The following USP35 variants were observed in gnomAD, a reference collection of about 807,000 sequenced individuals.
USP35 encodes the protein ubiquitin carboxyl-terminal hydrolase 35.
In USP35, 69 loss-of-function variants were observed where a neutral mutation model predicts 83.8. The observed-to-expected ratio is 0.82, with a 90% CI of 0.68 to 1.01. USP35 has a LOEUF of 1.01. USP35 is among the 50% of genes least tolerant of loss of function. The probability of loss-of-function intolerance (pLI) is 0.00; values close to 1 mark genes in which losing one functional copy is unlikely to be tolerated. For synonymous variants in USP35, 714 were observed against 589.5 expected, an observed-to-expected ratio of 1.21 and a Z score of -3.06; for missense variants, 1,503 against 1,362.5, an observed-to-expected ratio of 1.10 and a Z score of -1.62.
intron 10 of USP35, among the ~76,000 whole-genome samples, chr11:78,212,292 G>A (rs955010087): frequency 6.6e-6 from 1 of 152,028 alleles, no homozygotes. Context: ...TGTTCCATTG[G>A]TCTATGTGTC....
intron 3 of USP35, chr11:78,198,729 AGAG>A (rs1234932165): frequency 1.0e-6 from 1 of 982,988 alleles, no homozygotes; most frequent in Non-Finnish European, 1.2e-6. Context: ...GTAAGTTGCT[AGAG>A]GTCAAATCCC....
intron 6 of USP35, 119 bp from the exon 7 acceptor site, chr11:78,205,723 G>T (rs1048845869): frequency 2.8e-6 from 3 of 1,063,294 alleles, no homozygotes; most frequent in South Asian, 1.5e-5. Flanking sequence ...TCTGTGGGGG[G>T]GTGTGCCTGG....
intron 8 of USP35, 79 bp from the exon 9 acceptor site, chr11:78,208,778 C>A: frequency 6.7e-7 from 1 of 1,493,130 alleles, no homozygotes; most frequent in Non-Finnish European, 9.3e-7. Flanking sequence ...TGAGGTAGAC[C>A]CTCAGGCCTA....
rs764168914 is a variant in USP35, at chr11:78,196,839, C to T, written c.594C>T (p.Leu198=). 8 of 1,528,354 alleles carry T rather than the reference C, an allele frequency of 5.2e-6. No individual in the cohort carries two copies. The highest frequency in any genetic ancestry group is 2.5e-5 in the East Asian group (1 of 40,672). The allele number at this position is 1,528,354 out of a possible 1,614,324, so 94.7% of individuals were successfully genotyped here. Residue 198 remains leucine (L), a synonymous_variant, in exon 2 of 11, where the codon CTC becomes CTT. Coordinates refer to ENST00000529308, the MANE Select transcript of USP35 (RefSeq NM_020798.4). This position sits in a 1 kb window ranked among gnomAD's most constrained non-coding sequence, Gnocchi z 4.8. ...AGCAGGCCCAGCAGGTGAGCGGGCT[C>T]CTGGCGCAGCTGTGGCGCGCACAGC... ...FLEQAQQVSG[L]LAQLWRAQPA...
the USP35 span, among the ~76,000 whole-genome samples, chr11:78,229,124 T>C: frequency 6.6e-6 from 1 of 152,016 alleles, no homozygotes; most frequent in South Asian, 2.1e-4. Flanking sequence ...CTGCTGACAG[T>C]TGGTATCAGC....
At position 78,214,120 on chromosome 11, in the gene USP35, T is replaced by TGATGATGTTCAGGAAAC. The variant is rs1863947266; in HGVS notation, c.*308_*324dup. 3.4e-6 allele frequency: 1 copy of TGATGATGTTCAGGAAAC among 296,948 alleles called. No homozygotes were observed. Among genetic ancestry groups the TGATGATGTTCAGGAAAC allele is most frequent in the Non-Finnish European group, 6.2e-6 (1 of 161,602 alleles). 18.4% of individuals were successfully genotyped at this position (296,948 alleles called of 1,614,324 possible). ...AGCAGGCTCCCCATGCGGGAAGATC[T>TGATGATGTTCAGGAAAC]GATGATGTTCAGGAAACAGGCTAGA... On this transcript the variant is annotated 3_prime_UTR_variant, in exon 11 of 11. Coordinates refer to ENST00000529308, the MANE Select transcript of USP35 (RefSeq NM_020798.4).
Position 78,200,699 on chromosome 11 carries a change from C to T in USP35, c.1088C>T (p.Ser363Leu), listed in dbSNP as rs147270370. 5.4e-3 allele frequency: 8,641 copies of T among 1,614,054 alleles called. 58 individuals carry two copies. The highest frequency in any genetic ancestry group is 0.015 in the South Asian group (1,397 of 91,062). The change falls in exon 6 of 11, where the codon TCG (serine) becomes TTG (leucine). Residue 363 changes from serine (S) to leucine (L), a missense_variant. Physicochemically the swap from Ser to Leu is moderately radical, Grantham distance 145. Transcript: ENST00000529308. ...PMVASLVKED[S>L]NSGTSCLEQL... ...GTGGCCTCTCTGGTCAAGGAGGACT[C>T]GAACTCGGGGACCAGCTGCCTGGAG... is the stretch of plus-strand genomic sequence containing the variant.
rs1213916275 is a variant in USP35, at chr11:78,205,988, C to A, written c.1344C>A (p.Asn448Lys). Residue 448 changes from asparagine to lysine, a missense_variant, in exon 7 of 11, where the codon AAC becomes AAA. Transcript: ENST00000529308. Reference protein sequence around the residue: ...TGKIGLINLGNTCYVNSILQA... With the variant: ...TGKIGLINLGKTCYVNSILQA... ...AGATTGGTCTCATCAACCTGGGCAA[C>A]ACATGCTATGTCAACAGCATCCTTC... is the stretch of plus-strand genomic sequence containing the variant. The A allele has an allele frequency of 6.2e-7, 1 of 1,614,144 alleles. No individual in the cohort carries two copies. Among genetic ancestry groups the A allele is most frequent in the East Asian group, 2.2e-5 (1 of 44,908 alleles).
chr11:78,228,988 T>C, the USP35 span, among the ~76,000 whole-genome samples: 13 of 152,310 alleles, frequency 8.5e-5, no homozygotes, highest in Middle Eastern at 3.4e-3. Flanking sequence ...CTAATTTCCA[T>C]CTGGGCCAGG....
At chr11:78,221,235 C>T in the USP35 span, among the ~76,000 whole-genome samples, 1 of 152,356 alleles carries the variant, frequency 6.6e-6, no homozygotes, top group Non-Finnish European at 1.5e-5. Flanking sequence ...TGGGCAGTTA[C>T]GCCCTTAATG....
Position 78,209,898 on chromosome 11 carries a change from A to AG in USP35, c.2044dup (p.Glu682GlyfsTer47), listed in dbSNP as rs766179710. ...AGGAGGAAAGGATAGAGAGGGAGGA[A>AG]GAAGGGAAGGAGGAGAGAACGGAGA... On this transcript the variant is annotated frameshift_variant, in exon 10 of 11. Coordinates refer to ENST00000529308, the MANE Select transcript of USP35 (RefSeq NM_020798.4). LOFTEE classifies it high-confidence loss of function. 1.9e-6 allele frequency: 3 copies of AG among 1,602,928 alleles called. No homozygotes were observed. Among genetic ancestry groups the AG allele is most frequent in the Non-Finnish European group, 2.6e-6 (3 of 1,174,096 alleles).
rs1336832423 is a variant in USP35, at chr11:78,196,464, C to T, written c.219C>T (p.Pro73=). 2.4e-6 allele frequency: 3 copies of T among 1,251,392 alleles called. No homozygotes were observed. The highest frequency in any genetic ancestry group is 1.6e-5 in the African/African-American group (1 of 62,104). The allele number at this position is 1,251,392 out of a possible 1,614,324, so 77.5% of individuals were successfully genotyped here. A position where few individuals can be genotyped will look rare whatever the true frequency, so the allele number is the denominator to read the frequency against. The part of the protein sequence containing the change: ...QLLHVAGRHH[P]DVFAEFFSAR... ...TGCACGTGGCCGGCCGCCACCACCC[C>T]GACGTCTTCGCCGAGTTCTTCAGCG... The change falls in exon 2 of 11, where the codon CCC becomes CCT. Residue 73 remains proline (P), a synonymous_variant. Transcript: ENST00000529308. The surrounding 1 kb of genome is among the most constrained non-coding windows in gnomAD (Gnocchi z 4.8).
the USP35 span, chr11:78,220,550 C>G: frequency 1.1e-6 from 1 of 896,062 alleles, no homozygotes; most frequent in Non-Finnish European, 1.7e-6. Context: ...GAGCCCTACT[C>G]TGACACATGC....
At chr11:78,232,777 G>A in the USP35 span, among the ~76,000 whole-genome samples, 8 of 152,166 alleles carry the variant, frequency 5.3e-5, no homozygotes, top group African/African-American at 1.7e-4. Flanking sequence ...GCTGGTATTA[G>A]TAGCCTCAGT....
At chr11:78,232,477 A>G in the USP35 span, among the ~76,000 whole-genome samples, 1 of 152,234 alleles carries the variant, frequency 6.6e-6, no homozygotes, top group Non-Finnish European at 1.5e-5. Context: ...CTTCAAAGAG[A>G]AAAAGAACTC....
intron 10 of USP35, among the ~76,000 whole-genome samples, chr11:78,213,329 G>A (rs538838215): frequency 3.3e-5 from 5 of 152,098 alleles, no homozygotes; most frequent in Admixed American, 6.5e-5. Context: ...TGAGGCCTGC[G>A]GACAGGTTCC....
the USP35 span, among the ~76,000 whole-genome samples, chr11:78,224,172 A>G: frequency 1.8e-4 from 27 of 152,324 alleles, no homozygotes; most frequent in African/African-American, 6.3e-4. Flanking sequence ...ATCCTTTGGC[A>G]TCCACTAATA....
chr11:78,198,775 A>G, intron 3 of USP35: 9 of 869,142 alleles, frequency 1.0e-5, no homozygotes, highest in Non-Finnish European at 1.2e-5. Context: ...GCGACCTTGG[A>G]CAAGTTACTC....
At chr11:78,201,480 G>A (rs181839438) in intron 6 of USP35, among the ~76,000 whole-genome samples, 7 of 152,338 alleles carry the variant, frequency 4.6e-5, no homozygotes, top group Admixed American at 2.6e-4. Flanking sequence ...GGTCGGAGCA[G>A]CTTTTGAAAA....
Sources: allele counts gnomAD v4.1 joint callset (sites outside exome capture counted in the v4.1 genomes callset), GRCh38; gene constraint gnomAD v4.1.1; non-coding constraint Gnocchi (gnomAD v3.1); transcripts MANE v1.5; gene names NCBI Gene and HGNC (gene_info 2026-07-23, HGNC 2026-07-21).